Variants in CLEC4C observed in about 807,000 individuals in gnomAD.
The protein encoded by CLEC4C is C-type (calcium dependent, carbohydrate-recognition domain) lectin, superfamily member 11.
In CLEC4C, 17 loss-of-function variants were observed where a neutral mutation model predicts 27.7. The ratio of observed to expected loss-of-function variants is 0.61; its 90% confidence interval spans 0.42 to 0.92. CLEC4C has a LOEUF of 0.92. Among genes scored for constraint, CLEC4C ranks in the 40% least tolerant of loss-of-function variants. The probability of loss-of-function intolerance (pLI) is 0.00; values close to 1 mark genes in which losing one functional copy is unlikely to be tolerated. For synonymous variants in CLEC4C, 80 were observed against 80.8 expected, an observed-to-expected ratio of 0.99 and a Z score of 0.06; for missense variants, 244 against 257.3, an observed-to-expected ratio of 0.95 and a Z score of 0.35.
chr12:7,749,422 GCA>G (rs893101222), upstream of CLEC4C: 1 of 151,996 alleles, frequency 6.6e-6, no homozygotes, highest in African/African-American at 2.4e-5. Context: ...AAGCATGGTG[GCA>G]CACGTCTGTA....
At chr12:7,743,910 C>T (rs755649244) in intron 2 of CLEC4C, among the ~76,000 whole-genome samples, 2 of 152,152 alleles carry the variant, frequency 1.3e-5, no homozygotes, top group Non-Finnish European at 2.9e-5. Flanking sequence ...ATGGTGCCAG[C>T]ATCTGCTCAC....
intron 1 of CLEC4C, among the ~76,000 whole-genome samples, chr12:7,746,764 T>C (rs7962455): frequency 3.2e-3 from 490 of 152,326 alleles, no homozygotes; most frequent in African/African-American, 0.011. Flanking sequence ...CTTTAGGCAT[T>C]TGCCTGCATG....
intron 4 of CLEC4C, among the ~76,000 whole-genome samples, chr12:7,734,602 G>A (rs898632007): frequency 1.3e-5 from 2 of 148,714 alleles, no homozygotes; most frequent in African/African-American, 2.5e-5. Flanking sequence ...AGACTGGAAC[G>A]AAGTGGCATG....
chr12:7,747,449 A>G (rs1865009208), upstream of CLEC4C: 9 of 1,235,214 alleles, frequency 7.3e-6, no homozygotes, highest in Admixed American at 1.7e-5. Flanking sequence ...GGTTCTTTCA[A>G]ACAAGCCAAG....
chr12:7,730,144 C>T (rs1295584471), intron 5 of CLEC4C, among the ~76,000 whole-genome samples: 4 of 152,140 alleles, frequency 2.6e-5, no homozygotes, highest in Non-Finnish European at 4.4e-5. Flanking sequence ...CTATGCACTG[C>T]TTTTGGAGTC....
At chr12:7,729,772 GA>G (rs1565458276) in intron 5 of CLEC4C, 32 bp from the exon 6 acceptor site, 1 of 1,609,792 alleles carries the variant, frequency 6.2e-7, no homozygotes, top group Admixed American at 1.7e-5. Context: ...GTGGTGTTTT[GA>G]AACCGTGGTT....
intron 3 of CLEC4C, among the ~76,000 whole-genome samples, chr12:7,737,791 T>C (rs1434837905): frequency 2.6e-5 from 4 of 152,158 alleles, no homozygotes; most frequent in African/African-American, 4.8e-5. Flanking sequence ...AGATAGTAAA[T>C]ATCTCAGGCT....
chr12:7,729,622 A>G lies in CLEC4C; in HGVS notation c.616T>C (p.Cys206Arg). The G allele has an allele frequency of 6.2e-7, 1 of 1,613,726 alleles. No homozygotes were observed. The highest frequency in any genetic ancestry group is 8.5e-7 in the Non-Finnish European group (1 of 1,179,862). Residue 206 changes from cysteine (C) to arginine (R), a missense_variant, in exon 6 of 6, where the codon TGC becomes CGC. Coordinates refer to ENST00000360345, the MANE Select transcript of CLEC4C (RefSeq NM_001371390.1). ...IHCHVPQKSICKMKKIYI is the reference protein window; with the variant it reads ...IHCHVPQKSIRKMKKIYI Reference sequence around the variant, plus strand: ...TATATGTAGATCTTCTTCATCTTGCAAATTGACTTCTGAGGTACATGACAG... The same window carrying G: ...TATATGTAGATCTTCTTCATCTTGCGAATTGACTTCTGAGGTACATGACAG...
chr12:7,740,235 C>T (rs1864822556), intron 3 of CLEC4C, among the ~76,000 whole-genome samples: 1 of 152,084 alleles, frequency 6.6e-6, no homozygotes, highest in Non-Finnish European at 1.5e-5. Flanking sequence ...TCCTCAGCCT[C>T]CCAAAGCACT....
At position 7,741,407 on chromosome 12, in the gene CLEC4C, T is replaced by C. The variant is rs765906392; in HGVS notation, c.235+14A>G. ...ATAGCAAGGGAAGTCTTGTTGCCCA[T>C]TGCAGAGTTGTACCTTCTATGTCCT... On this transcript the variant is annotated intron_variant, in intron 3 of 5. Coordinates refer to ENST00000360345, the MANE Select transcript of CLEC4C (RefSeq NM_001371390.1). The C allele has an allele frequency of 1.9e-5, 26 of 1,400,112 alleles. No individual in the cohort carries two copies. The South Asian group carries it at 2.8e-4, about 15-fold the overall frequency. The allele number at this position is 1,400,112 out of a possible 1,614,324, so 86.7% of individuals were successfully genotyped here.
In CLEC4C at chr12:7,729,403, TATGA is replaced by T; in HGVS notation, c.*189_*192del. The T allele has an allele frequency of 2.0e-6, 1 of 488,216 alleles. No individual in the cohort carries two copies. Among genetic ancestry groups the T allele is most frequent in the South Asian group, 2.7e-5 (1 of 36,516 alleles). 30.2% of individuals were successfully genotyped at this position (488,216 alleles called of 1,614,324 possible). ...AAAAATGTTCACTAAACACTCATTTTATGAATGAATAAATGAATAAATGAATAAA... is the reference window on the plus strand; with the variant it reads ...AAAAATGTTCACTAAACACTCATTTTATGAATAAATGAATAAATGAATAAA... On this transcript the variant is annotated 3_prime_UTR_variant, in exon 6 of 6. Transcript: ENST00000360345.
chr12:7,747,220 ACTT>A (rs1565465283), intron 1 of CLEC4C, 95 bp downstream of exon 1: 19 of 1,015,260 alleles, frequency 1.9e-5, no homozygotes, highest in Middle Eastern at 4.1e-4. Context: ...AAAGCTGTCT[ACTT>A]CTTCTTCCAA....
intron 5 of CLEC4C, among the ~76,000 whole-genome samples, 160 bp from the exon 6 acceptor site, chr12:7,729,900 G>T (rs1864554096): frequency 6.6e-6 from 1 of 152,114 alleles, no homozygotes. Flanking sequence ...CTCATGTTCA[G>T]GCAGTTTCCT....
At chr12:7,743,298 T>A (rs1263450517) in intron 2 of CLEC4C, among the ~76,000 whole-genome samples, 5 of 152,180 alleles carry the variant, frequency 3.3e-5, no homozygotes, top group African/African-American at 1.2e-4. Flanking sequence ...CATTTAGACA[T>A]CTTTTGCTAA....
chr12:7,737,641 C>G, intron 3 of CLEC4C, 67 bp from the exon 4 acceptor site: 1 of 1,474,746 alleles, frequency 6.8e-7, no homozygotes, highest in Non-Finnish European at 9.2e-7. Flanking sequence ...AAGTTATAAG[C>G]TTAGCTTGCT....
At chr12:7,742,782 C>G (rs1226726246) in intron 2 of CLEC4C, among the ~76,000 whole-genome samples, 1 of 151,710 alleles carries the variant, frequency 6.6e-6, no homozygotes, top group Non-Finnish European at 1.5e-5. Flanking sequence ...TGCACTCCAG[C>G]CTGGCAACAG....
upstream of CLEC4C, chr12:7,747,632 CTTTTTTT>C (rs201227947): frequency 3.9e-3 from 344 of 88,424 alleles, 1 homozygote; most frequent in African/African-American, 7.3e-3. Context: ...GTCTGATTGT[CTTTTTTT>C]TTTTTTTTTT....
At chr12:7,749,418 GGTGGCA>G (rs2120463007), upstream of CLEC4C, 1 of 152,108 alleles carries the variant, frequency 6.6e-6, no homozygotes, top group South Asian at 2.1e-4. Flanking sequence ...AGCCAAGCAT[GGTGGCA>G]CACGTCTGTA....
intron 2 of CLEC4C, among the ~76,000 whole-genome samples, chr12:7,745,137 C>G (rs1360132117): frequency 2.0e-5 from 3 of 152,016 alleles, no homozygotes; most frequent in African/African-American, 7.2e-5. Context: ...ATATGGAAGT[C>G]CCAAGCTCCA....
Sources: allele counts gnomAD v4.1 joint callset (sites outside exome capture counted in the v4.1 genomes callset), GRCh38; gene constraint gnomAD v4.1.1; transcripts MANE v1.5; gene names NCBI Gene and HGNC (gene_info 2026-07-23, HGNC 2026-07-21).